The following PARPBP variants were observed in gnomAD, a reference collection of about 807,000 sequenced individuals.
PARPBP encodes PCNA-interacting partner.
A neutral mutation model predicts 50.0 loss-of-function variants in PARPBP; 52 were observed. That is an observed-to-expected ratio of 1.04 (90% CI 0.83 to 1.31). PARPBP has a LOEUF of 1.31. Among genes scored for constraint, PARPBP ranks in the 50% most tolerant of loss-of-function variants. The pLI is 0.00. For synonymous variants in PARPBP, 244 were observed against 232.1 expected (o/e 1.05, Z -0.47); for missense variants, 697 against 672.0 (o/e 1.04, Z -0.41).
chr12:102,160,351 C>T (rs1594555103), intron 4 of PARPBP, among the ~76,000 whole-genome samples: 1 of 152,126 alleles, frequency 6.6e-6, no homozygotes, highest in Non-Finnish European at 1.5e-5. Flanking sequence ...TGGTTTTGTA[C>T]CCAATTAGGA....
At chr12:102,178,498 T>G (rs1391172928) in intron 7 of PARPBP, 94 bp from the exon 8 acceptor site, 1 of 662,030 alleles carries the variant, frequency 1.5e-6, no homozygotes, top group East Asian at 3.0e-5. Context: ...TAACAATAGA[T>G]GAAAGAGGCC....
intron 2 of PARPBP, among the ~76,000 whole-genome samples, chr12:102,128,775 C>G (rs1030071698): frequency 6.6e-6 from 1 of 152,162 alleles, no homozygotes; most frequent in East Asian, 1.9e-4. Flanking sequence ...GTGAACAATG[C>G]AGCAATGGCC....
Position 102,197,376 on chromosome 12 carries a change from A to G in PARPBP, c.*1085A>G. On this transcript the variant is annotated 3_prime_UTR_variant, in exon 11 of 11. Coordinates refer to ENST00000327680, the MANE Select transcript of PARPBP (RefSeq NM_017915.5). ...GGGATGGAAGAACTACCTGGCATGT[A>G]AGAAATATCGTCAGTCGTCCTAATG... 1 of 845,198 alleles carries G rather than the reference A, an allele frequency of 1.2e-6. No individual in the cohort carries two copies. The highest frequency in any genetic ancestry group is 1.8e-5 in the South Asian group (1 of 56,730). 52.4% of individuals were successfully genotyped at this position (845,198 alleles called of 1,614,324 possible). A position where few individuals can be genotyped will look rare whatever the true frequency, so the allele number is the denominator to read the frequency against.
intron 2 of PARPBP, among the ~76,000 whole-genome samples, chr12:102,137,661 C>A (rs977595482): frequency 4.6e-5 from 7 of 152,066 alleles, no homozygotes; most frequent in African/African-American, 9.7e-5. Context: ...CCGCTCCCCC[C>A]ACCCCACGAC....
intron 6 of PARPBP, among the ~76,000 whole-genome samples, chr12:102,166,589 C>A (rs1046578544): frequency 1.3e-5 from 2 of 152,084 alleles, no homozygotes; most frequent in Non-Finnish European, 2.9e-5. Flanking sequence ...ATTACAACAA[C>A]CTGACTTGAT....
chr12:102,127,242 A>G (rs1357094350), intron 2 of PARPBP, among the ~76,000 whole-genome samples: 2 of 152,064 alleles, frequency 1.3e-5, no homozygotes, highest in Non-Finnish European at 2.9e-5. Context: ...AAAAAAATAC[A>G]AAAATTAGCT....
chr12:102,196,834 T>C lies in PARPBP; in HGVS notation c.*543T>C, dbSNP rs992138879. ...ATGATAATAATTAATTGTTGCTATT[T>C]AATCCCACATTTTTGGCAGGTGTAA... On this transcript the variant is annotated 3_prime_UTR_variant, in exon 11 of 11. Transcript: ENST00000327680. The C allele has an allele frequency of 9.6e-7, 1 of 1,038,536 alleles. No individual in the cohort carries two copies. Among genetic ancestry groups the C allele is most frequent in the Non-Finnish European group, 1.5e-6 (1 of 687,758 alleles). 64.3% of individuals were successfully genotyped at this position (1,038,536 alleles called of 1,614,324 possible).
chr12:102,196,392 AT>A lies in PARPBP; in HGVS notation c.*105del. 1 of 856,914 alleles carries A rather than the reference AT, an allele frequency of 1.2e-6. No homozygotes were observed. The highest frequency in any genetic ancestry group is 1.8e-6 in the Non-Finnish European group (1 of 548,152). 53.1% of individuals were successfully genotyped at this position (856,914 alleles called of 1,614,324 possible). A position where few individuals can be genotyped will look rare whatever the true frequency, so the allele number is the denominator to read the frequency against. On this transcript the variant is annotated 3_prime_UTR_variant, in exon 11 of 11. Transcript: ENST00000327680. Reference sequence around the variant, plus strand: ...AAGGTGTAAATTATGATGATTTATTATTTTGGTCTACAGTGTATGTAAGGTT... The same window carrying A: ...AAGGTGTAAATTATGATGATTTATTATTTGGTCTACAGTGTATGTAAGGTT...
intron 2 of PARPBP, among the ~76,000 whole-genome samples, chr12:102,128,202 T>C (rs1051043945): frequency 1.3e-5 from 2 of 152,086 alleles, no homozygotes; most frequent in African/African-American, 4.8e-5. Flanking sequence ...CATCCCCTAG[T>C]AACCATCATT....
At chr12:102,192,451 C>T (rs1890883297) in intron 9 of PARPBP, among the ~76,000 whole-genome samples, 1 of 152,056 alleles carries the variant, frequency 6.6e-6, no homozygotes. Context: ...TGATGCTTTT[C>T]CCATCACATC....
intron 1 of PARPBP, 90 bp downstream of exon 1, chr12:102,120,376 C>T: frequency 2.2e-6 from 1 of 446,282 alleles, no homozygotes; most frequent in South Asian, 1.6e-5. Context: ...ACTGTAATAC[C>T]TCGGTCGTAG....
intron 9 of PARPBP, among the ~76,000 whole-genome samples, chr12:102,183,395 T>G (rs572808369): frequency 4.6e-5 from 7 of 152,276 alleles, no homozygotes; most frequent in African/African-American, 1.7e-4. Context: ...ATTTTTTCAT[T>G]TGGAAATTTA....
rs560953530 is a variant in PARPBP at position 102,190,220 on chromosome 12, A to G, written c.1264-5092A>G. ...TCCACCTCCAAACTTTTGCTTGCTC[A>G]TGGCTTCTGTTCCCTCACAGCTCTG... On this transcript the variant is annotated intron_variant, in intron 9 of 10. Transcript: ENST00000327680. Among the ~76,000 whole-genome samples, 4 of 152,178 alleles carry G rather than the reference A, an allele frequency of 2.6e-5. No homozygotes were observed. The South Asian group carries it at 8.3e-4, about 32-fold the overall frequency.
chr12:102,135,553 A>G (rs950867615), intron 2 of PARPBP, among the ~76,000 whole-genome samples: 1 of 151,810 alleles, frequency 6.6e-6, no homozygotes, highest in East Asian at 1.9e-4. Flanking sequence ...AAAAAAAAAA[A>G]AAAAAAAATG....
chr12:102,180,739 T>C (rs1299059741), intron 8 of PARPBP, among the ~76,000 whole-genome samples: 4 of 152,176 alleles, frequency 2.6e-5, no homozygotes, highest in Non-Finnish European at 5.9e-5. Flanking sequence ...TACTTAATCA[T>C]GTCACTGAAC....
chr12:102,170,262 T>C (rs1888556610), intron 6 of PARPBP, among the ~76,000 whole-genome samples: 3 of 152,240 alleles, frequency 2.0e-5, no homozygotes, highest in Admixed American at 2.0e-4. Flanking sequence ...ACATTTACAT[T>C]ATACTGTCAT....
chr12:102,189,655 C>A (rs1890618834), intron 9 of PARPBP, among the ~76,000 whole-genome samples: 1 of 151,762 alleles, frequency 6.6e-6, no homozygotes, highest in African/African-American at 2.4e-5. Flanking sequence ...TAGAGCATTT[C>A]AAACAACTGA....
intron 2 of PARPBP, among the ~76,000 whole-genome samples, chr12:102,144,823 T>C (rs78767936): frequency 0.011 from 1,640 of 152,254 alleles, 17 homozygotes; most frequent in Non-Finnish European, 0.016. Flanking sequence ...TTTGTGGGGT[T>C]GGGGAGTAAG....
intron 2 of PARPBP, among the ~76,000 whole-genome samples, chr12:102,138,260 G>C (rs1001543557): frequency 6.6e-6 from 1 of 152,214 alleles, no homozygotes; most frequent in Non-Finnish European, 1.5e-5. Context: ...GGCCAGTGAT[G>C]ATGAGCATTT....
Sources: gnomAD v4.1 joint callset for allele counts (sites outside exome capture counted in the v4.1 genomes callset) on GRCh38, gnomAD v4.1.1 for gene constraint, MANE v1.5 for transcripts, NCBI Gene and HGNC (gene_info 2026-07-23, HGNC 2026-07-21) for gene names.